The following DPH6 variants were observed in gnomAD, a reference collection of about 807,000 sequenced individuals.
The protein encoded by DPH6 is diphthamine biosynthesis 6, also known as diphthine--ammonia ligase.
DPH6 carries 33 observed loss-of-function variants against 38.2 expected under a neutral mutation model. That is an observed-to-expected ratio of 0.86 (90% CI 0.65 to 1.15). The LOEUF (loss-of-function observed/expected upper bound fraction) is 1.15. Ranked by LOEUF, DPH6 falls within the 50% of genes most tolerant of loss-of-function variation. DPH6 has a pLI of 0.00. For missense variants in DPH6, 325 were observed against 320.0 expected (o/e 1.02, Z -0.12); for synonymous variants, 108 against 103.0 (o/e 1.05, Z -0.30).
At chr15:35,326,607 A>C (rs1441936941), downstream of DPH6, among the ~76,000 whole-genome samples, 1 of 151,908 alleles carries the variant, frequency 6.6e-6, no homozygotes, top group African/African-American at 2.4e-5. Context: ...AATTTTTAAA[A>C]AAATTTTTTG....
At chr15:35,244,173 G>T (rs1460771663) in intron 3 of DPH6, among the ~76,000 whole-genome samples, 1 of 152,176 alleles carries the variant, frequency 6.6e-6, no homozygotes, top group African/African-American at 2.4e-5. Context: ...TTTAATTAAT[G>T]CCTTTGAGTC....
chr15:35,475,314 G>T (rs1459038695), intron 3 of DPH6, among the ~76,000 whole-genome samples: 1 of 152,002 alleles, frequency 6.6e-6, no homozygotes, highest in East Asian at 1.9e-4. Flanking sequence ...GGCAGATCTA[G>T]AAATAAATGC....
chr15:35,506,343 G>A (rs2054693837), intron 3 of DPH6, among the ~76,000 whole-genome samples: 1 of 152,084 alleles, frequency 6.6e-6, no homozygotes, highest in Non-Finnish European at 1.5e-5. Flanking sequence ...TGGCTTGTAT[G>A]ACAATATTGT....
chr15:35,279,068 A>AAATATATATATATATATATAT (rs1555390826), intron 3 of DPH6, among the ~76,000 whole-genome samples: 1 of 102,992 alleles, frequency 9.7e-6, no homozygotes, highest in African/African-American at 4.8e-5. Flanking sequence ...AAAAAAAAAA[A>AAATATATATATATATATATAT]ATATATATAT....
intron 3 of DPH6, among the ~76,000 whole-genome samples, chr15:35,467,458 C>T (rs1477698685): frequency 6.6e-6 from 1 of 152,114 alleles, no homozygotes; most frequent in Non-Finnish European, 1.5e-5. Context: ...CCCAGCTACA[C>T]AGGAGGTTGA....
the DPH6 span, among the ~76,000 whole-genome samples, chr15:35,196,160 G>A: frequency 2.6e-5 from 4 of 152,084 alleles, no homozygotes; most frequent in Non-Finnish European, 2.9e-5. Context: ...GAAATTTAAC[G>A]TAAAATAGTA....
chr15:35,541,342 A>G (rs2055250478), intron 2 of DPH6, among the ~76,000 whole-genome samples: 1 of 152,136 alleles, frequency 6.6e-6, no homozygotes, highest in Non-Finnish European at 1.5e-5. Context: ...CTGTCCACCA[A>G]TCAACCTTGC....
intron 3 of DPH6, among the ~76,000 whole-genome samples, chr15:35,497,173 C>A (rs563553181): frequency 6.6e-6 from 1 of 152,192 alleles, no homozygotes; most frequent in South Asian, 2.1e-4. Context: ...CTAATTACTA[C>A]GCTCCAAGCA....
At chr15:35,322,248 TCCCTAC>T (rs2052247068) in intron 3 of DPH6, among the ~76,000 whole-genome samples, 1 of 152,224 alleles carries the variant, frequency 6.6e-6, no homozygotes, top group Non-Finnish European at 1.5e-5. Flanking sequence ...ATAGACACTA[TCCCTAC>T]ATTTTAGCCA....
intron 6 of DPH6, among the ~76,000 whole-genome samples, chr15:35,404,050 C>T (rs2053257978): frequency 1.3e-5 from 2 of 152,094 alleles, no homozygotes; most frequent in Admixed American, 6.6e-5. Context: ...CTGCAAATGA[C>T]AGAATCTCAT....
chr15:35,180,224 A>C, the DPH6 span, among the ~76,000 whole-genome samples: 1 of 152,176 alleles, frequency 6.6e-6, no homozygotes, highest in Non-Finnish European at 1.5e-5. Flanking sequence ...AAATAAATTG[A>C]TGTCAAATGA....
At chr15:35,224,517 A>G (rs753159594) in intron 3 of DPH6, among the ~76,000 whole-genome samples, 2 of 152,236 alleles carry the variant, frequency 1.3e-5, no homozygotes, top group African/African-American at 4.8e-5. Context: ...ATTATGAATA[A>G]AGCTGCTACG....
chr15:35,460,903 T>TAA (rs549293460), intron 3 of DPH6, among the ~76,000 whole-genome samples: 5,391 of 114,692 alleles, frequency 0.047, 449 homozygotes, highest in African/African-American at 0.15. Context: ...CACAAACTGG[T>TAA]AAAAAAAAAA....
intron 3 of DPH6, among the ~76,000 whole-genome samples, chr15:35,497,048 G>A (rs1395985983): frequency 6.6e-6 from 1 of 152,018 alleles, no homozygotes; most frequent in African/African-American, 2.4e-5. Flanking sequence ...ATAGCCTCCT[G>A]TACTTTTCCT....
At chr15:35,474,947 T>C (rs959792488) in intron 3 of DPH6, among the ~76,000 whole-genome samples, 1 of 151,504 alleles carries the variant, frequency 6.6e-6, no homozygotes, top group African/African-American at 2.4e-5. Flanking sequence ...TTGGATACAA[T>C]CACATTTGGG....
the DPH6 span, among the ~76,000 whole-genome samples, chr15:35,190,408 G>C: frequency 2.0e-5 from 3 of 152,332 alleles, no homozygotes; most frequent in East Asian, 5.8e-4. Context: ...GTGTTGATTG[G>C]TTGGGTCAGA....
intron 3 of DPH6, among the ~76,000 whole-genome samples, chr15:35,228,693 TTTTC>T (rs1209749249): frequency 7.2e-5 from 11 of 152,212 alleles, no homozygotes; most frequent in Non-Finnish European, 1.5e-4. Flanking sequence ...ATTAACGCCC[TTTTC>T]TTTCTGATTG....
At chr15:35,317,365 AGAAAGAAAAG>A (rs375604590) in intron 3 of DPH6, among the ~76,000 whole-genome samples, 19 of 150,934 alleles carry the variant, frequency 1.3e-4, no homozygotes, top group Admixed American at 3.3e-4. Flanking sequence ...AGAGAAAGAA[AGAAAGAAAAG>A]GAAAGAAAAA....
At chr15:35,452,683 T>C (rs1186396270) in intron 4 of DPH6, among the ~76,000 whole-genome samples, 2 of 152,164 alleles carry the variant, frequency 1.3e-5, no homozygotes, top group East Asian at 1.9e-4. Context: ...TCTCAGAACA[T>C]CTAAAGCAAT....
Sources: allele counts gnomAD v4.1 joint callset (sites outside exome capture counted in the v4.1 genomes callset), GRCh38; gene constraint gnomAD v4.1.1; transcripts MANE v1.5; gene names NCBI Gene and HGNC (gene_info 2026-07-23, HGNC 2026-07-21).